Variants in KDM2B observed in about 807,000 individuals in gnomAD.
The protein encoded by KDM2B is lysine demethylase 2B.
In KDM2B, 26 loss-of-function variants were observed where a neutral mutation model predicts 150.0. The observed-to-expected ratio is 0.17, with a 90% CI of 0.13 to 0.24. KDM2B has a LOEUF of 0.24. KDM2B is among the 10% of genes least tolerant of loss of function. The pLI, the probability that KDM2B is intolerant of heterozygous loss-of-function variation, is 1.00. For synonymous variants in KDM2B, 734 were observed against 729.5 expected (o/e 1.01, Z -0.10); for missense variants, 1,265 against 1,816.9 (o/e 0.70, Z 5.52).
rs782567345 is a variant in KDM2B, at chr12:121,513,257, C to G, written c.1174+19G>C. 2.5e-6 allele frequency: 4 copies of G among 1,608,122 alleles called. No homozygotes were observed. On this transcript the variant is annotated intron_variant, in intron 10 of 22. Coordinates refer to ENST00000377071, the MANE Select transcript of KDM2B (RefSeq NM_032590.5). This position sits in a 1 kb window ranked among gnomAD's most constrained non-coding sequence, Gnocchi z 5.0. ...CCAGCTGTGCAGCCGAGGCCGTGGG[C>G]TCCCTCCGGTTCACTCACCAATAAG...
rs1384982053 is a variant in KDM2B at position 121,537,825 on chromosome 12, TG to T, written c.684-3236del. 6.6e-6 allele frequency among the ~76,000 whole-genome samples: 1 copy of T among 151,422 alleles called. No individual in the cohort carries two copies. Among genetic ancestry groups the T allele is most frequent in the Non-Finnish European group, 1.5e-5 (1 of 67,764 alleles). On this transcript the variant is annotated intron_variant, in intron 6 of 22. Coordinates refer to ENST00000377071, the MANE Select transcript of KDM2B (RefSeq NM_032590.5). The surrounding 1 kb of genome is among the most constrained non-coding windows in gnomAD (Gnocchi z 8.7). ...AAGAGCGGCTCCGCGACGCCGGCCC[TG>T]TAGCCCGCGGGCGGGAGGCCACCCA... is the stretch of plus-strand genomic sequence containing the variant.
chr12:121,567,981 A>C (rs964691364), intron 4 of KDM2B, among the ~76,000 whole-genome samples: 1 of 151,974 alleles, frequency 6.6e-6, no homozygotes, highest in Non-Finnish European at 1.5e-5. Context: ...CGCCCACCTC[A>C]GCCTCCCAAA....
the KDM2B span, among the ~76,000 whole-genome samples, chr12:121,421,459 G>A: frequency 6.6e-6 from 1 of 151,354 alleles, no homozygotes; most frequent in African/African-American, 2.4e-5. Context: ...AGGCTGAGGG[G>A]GGAGGATTGC....
intron 22 of KDM2B, 29 bp downstream of exon 22, chr12:121,439,828 G>A: frequency 6.4e-7 from 1 of 1,554,862 alleles, no homozygotes; most frequent in Non-Finnish European, 8.9e-7. Context: ...CGGAGTGTTA[G>A]GCAGACCCGA....
intron 4 of KDM2B, among the ~76,000 whole-genome samples, chr12:121,572,625 G>A (rs1891185555): frequency 6.6e-6 from 1 of 151,976 alleles, no homozygotes; most frequent in Non-Finnish European, 1.5e-5. Context: ...TTTTTACATA[G>A]CCCTGTCACC....
chr12:121,461,557 C>T (rs1469632145), intron 12 of KDM2B, among the ~76,000 whole-genome samples: 1 of 152,040 alleles, frequency 6.6e-6, no homozygotes, highest in African/African-American at 2.4e-5. Flanking sequence ...TTAGAAGACC[C>T]GGTGATTGGC....
chr12:121,543,795 C>T (rs1003275963), intron 6 of KDM2B, among the ~76,000 whole-genome samples: 2 of 150,540 alleles, frequency 1.3e-5, no homozygotes, highest in East Asian at 2.0e-4. Context: ...TCCAGCCTGG[C>T]GACAGAGTGA....
chr12:121,532,895 C>T lies in KDM2B; in HGVS notation c.842G>A (p.Gly281Asp). 6.2e-7 allele frequency: 1 copy of T among 1,614,192 alleles called. No homozygotes were observed. Among genetic ancestry groups the T allele is most frequent in the Non-Finnish European group, 8.5e-7 (1 of 1,180,018 alleles). ...TCCCAGAAAGATGTCACTCTGTTTG[C>T]CTGACAGCACCCACTCCTCGTACAG... ...LALYEEWVLS[G>D]KQSDIFLGDR... Residue 281 changes from glycine (G) to aspartate (D), a missense_variant, in exon 8 of 23, where the codon GGC (glycine) becomes GAC (aspartate). Gly to Asp is a moderately conservative substitution (Grantham distance 94, BLOSUM62 -1). Around this residue, in one of 11 missense-constraint regions of KDM2B, gnomAD observed 214 missense variants for 447.4 expected, o/e 0.48. Coordinates refer to ENST00000377071, the MANE Select transcript of KDM2B (RefSeq NM_032590.5).
chr12:121,460,845 C>T (rs543230047), intron 12 of KDM2B, among the ~76,000 whole-genome samples: 20 of 152,220 alleles, frequency 1.3e-4, no homozygotes, highest in African/African-American at 4.8e-4. Context: ...AATCCTACCA[C>T]CTCAGGCTCC....
At chr12:121,511,304 T>TG (rs1885567901) in intron 10 of KDM2B, among the ~76,000 whole-genome samples, 1 of 142,786 alleles carries the variant, frequency 7.0e-6, no homozygotes, top group Admixed American at 6.9e-5. Flanking sequence ...TTTTTTTTTT[T>TG]GAGACAGAGT....
At chr12:121,493,006 C>T (rs1184110295) in intron 12 of KDM2B, among the ~76,000 whole-genome samples, 1 of 149,774 alleles carries the variant, frequency 6.7e-6, no homozygotes, top group Non-Finnish European at 1.5e-5. Flanking sequence ...AGCGATCCTC[C>T]TGCTTAAGCC....
chr12:121,513,874 A>G lies in KDM2B; in HGVS notation c.1048-472T>C, dbSNP rs1389157250. 6.6e-6 allele frequency among the ~76,000 whole-genome samples: 1 copy of G among 152,148 alleles called. No homozygotes were observed. The highest frequency in any genetic ancestry group is 2.4e-5 in the African/African-American group (1 of 41,430). On this transcript the variant is annotated intron_variant, in intron 9 of 22. Transcript: ENST00000377071. This position sits in a 1 kb window ranked among gnomAD's most constrained non-coding sequence, Gnocchi z 5.0. ...CAACTTCCAAGCCTTATCTATTTGC[A>G]GACAGGTTATGGAGCCTCCTCCTGT...
intron 9 of KDM2B, among the ~76,000 whole-genome samples, chr12:121,519,048 T>C (rs1886465847): frequency 6.6e-6 from 1 of 152,108 alleles, no homozygotes; most frequent in South Asian, 2.1e-4. Flanking sequence ...CACAAAACGA[T>C]GGTCTCCCAT....
chr12:121,471,852 A>G (rs1337139564), intron 12 of KDM2B, among the ~76,000 whole-genome samples: 1 of 152,178 alleles, frequency 6.6e-6, no homozygotes, highest in African/African-American at 2.4e-5. Context: ...GCCCCTAAGA[A>G]GGGAACAGAA....
rs917905396 is a variant in KDM2B, at chr12:121,454,698, C to T, written c.1735-1354G>A. Among the ~76,000 whole-genome samples the T allele has an allele frequency of 9.9e-5, 15 of 152,194 alleles. No homozygotes were observed. The East Asian group carries it at 1.2e-3, about 12-fold the overall frequency. The stretch of plus-strand genomic sequence containing the variant: ...TCACCCTGGAAACCAGCTGACCTAA[C>T]GGCATCTAACGCCTAAAGCCCCTTT... On this transcript the variant is annotated intron_variant, in intron 12 of 22. Coordinates refer to ENST00000377071, the MANE Select transcript of KDM2B (RefSeq NM_032590.5).
At position 121,568,404 on chromosome 12, in the gene KDM2B, G is replaced by A. The variant is rs1890858859; in HGVS notation, c.397+6143C>T. ...GAACCCAGGAGGCAGAGGTTGCAGT[G>A]AGCCAAGATGGTGCCACTGCACTTC... is the stretch of plus-strand genomic sequence containing the variant. On this transcript the variant is annotated intron_variant, in intron 4 of 22. Coordinates refer to ENST00000377071, the MANE Select transcript of KDM2B (RefSeq NM_032590.5). Among the ~76,000 whole-genome samples the A allele has an allele frequency of 2.0e-5, 3 of 152,064 alleles. No individual in the cohort carries two copies. In the South Asian group the frequency reaches 6.2e-4, roughly 32 times the overall value.
intron 12 of KDM2B, among the ~76,000 whole-genome samples, chr12:121,490,442 T>G (rs1463326718): frequency 1.3e-5 from 2 of 152,186 alleles, no homozygotes; most frequent in Non-Finnish European, 2.9e-5. Flanking sequence ...CAGGCTGGCT[T>G]GCTAGCCAGA....
intron 12 of KDM2B, among the ~76,000 whole-genome samples, chr12:121,484,461 G>A (rs946742803): frequency 2.0e-5 from 3 of 152,156 alleles, no homozygotes; most frequent in Admixed American, 6.6e-5. Flanking sequence ...GAGAGTCTAC[G>A]GCACAGCGAC....
intron 4 of KDM2B, among the ~76,000 whole-genome samples, chr12:121,572,882 G>C (rs1372181916): frequency 6.8e-6 from 1 of 147,430 alleles, no homozygotes; most frequent in Non-Finnish European, 1.5e-5. Flanking sequence ...CTGGAGTGCA[G>C]TGGCACGATC....
Sources: gnomAD v4.1 joint callset for allele counts (sites outside exome capture counted in the v4.1 genomes callset) on GRCh38, gnomAD v4.1.1 for gene constraint, gnomAD v4.1.1 regional missense constraint, Gnocchi (gnomAD v3.1) non-coding constraint, MANE v1.5 for transcripts, NCBI Gene and HGNC (gene_info 2026-07-23, HGNC 2026-07-21) for gene names.